CFAP57: variants seen among roughly 807,000 people sequenced by gnomAD.
The protein encoded by CFAP57 is cilia- and flagella-associated protein 57.
In CFAP57, 116 loss-of-function variants were observed where a neutral mutation model predicts 146.8. The observed-to-expected ratio is 0.79, with a 90% CI of 0.68 to 0.92. The LOEUF is 0.92. Ranked by LOEUF, CFAP57 falls within the 40% of genes least tolerant of loss-of-function variation. CFAP57 has a pLI of 0.00. For synonymous variants in CFAP57, 518 were observed against 552.8 expected (o/e 0.94, Z 0.88); for missense variants, 1,377 against 1,527.2 (o/e 0.90, Z 1.64).
Position 43,221,402 on chromosome 1 carries a change from G to T in CFAP57, c.2278G>T (p.Val760Phe). 1 of 1,543,754 alleles carries T rather than the reference G, an allele frequency of 6.5e-7. No individual in the cohort carries two copies. Among genetic ancestry groups the T allele is most frequent in the Non-Finnish European group, 8.7e-7 (1 of 1,143,178 alleles). ...AAGAACAGAAAAAGAGAAGCAGGATGTTTATCACCATGAGCACATAGAAGA... is the reference window on the plus strand; with the variant it reads ...AAGAACAGAAAAAGAGAAGCAGGATTTTTATCACCATGAGCACATAGAAGA... ...VLRTEKEKQDVYHHEHIEDLL... is the reference protein window; with the variant it reads ...VLRTEKEKQDFYHHEHIEDLL... The change falls in exon 14 of 23, where the codon GTT becomes TTT. Residue 760 changes from valine (V) to phenylalanine (F), a missense_variant. Physicochemically the swap from Val to Phe is conservative, Grantham distance 50 (BLOSUM62 -1). Transcript: ENST00000372492.
In CFAP57 at chr1:43,198,595, C is replaced by A; in HGVS notation, c.1377C>A (p.Leu459=). The A allele has an allele frequency of 6.2e-7, 1 of 1,613,970 alleles. No individual in the cohort carries two copies. Among genetic ancestry groups the A allele is most frequent in the Admixed American group, 1.7e-5 (1 of 60,000 alleles). The change falls in exon 8 of 23, where the codon CTC becomes CTA. Residue 459 remains leucine (L), a synonymous_variant. Transcript: ENST00000372492. ...FADKLRLMNL[L]IDDIRSFKEY... ...ACAAACTACGCCTCATGAATCTACTCATTGATGATATACGTTCTTTCAAAG... is the reference window on the plus strand; with the variant it reads ...ACAAACTACGCCTCATGAATCTACTAATTGATGATATACGTTCTTTCAAAG...
chr1:43,226,923 A>G (rs975808110), intron 17 of CFAP57, 60 bp from the exon 18 acceptor site: 8 of 1,426,206 alleles, frequency 5.6e-6, no homozygotes, highest in South Asian at 3.3e-5. Context: ...TTTGCCCTAA[A>G]GGGCTGCAGT....
Position 43,243,216 on chromosome 1 carries a change from C to A in CFAP57, c.3406-11C>A. ...CATCCACCCTCCCTCTCTCTTCCCCCTTTTCTGCAGGAAAATGTCTCTCTG... is the reference window on the plus strand; with the variant it reads ...CATCCACCCTCCCTCTCTCTTCCCCATTTTCTGCAGGAAAATGTCTCTCTG... On this transcript the variant is annotated splice_polypyrimidine_tract_variant and intron_variant, in intron 21 of 22. Coordinates refer to ENST00000372492, the MANE Select transcript of CFAP57 (RefSeq NM_001378189.1). 1 of 1,549,420 alleles carries A rather than the reference C, an allele frequency of 6.5e-7. No homozygotes were observed. The highest frequency in any genetic ancestry group is 1.4e-5 in the African/African-American group (1 of 73,140).
At chr1:43,197,767 A>G in intron 7 of CFAP57, 75 bp downstream of exon 7, 1 of 1,585,582 alleles carries the variant, frequency 6.3e-7, no homozygotes, top group South Asian at 1.1e-5. Flanking sequence ...TTTTAATTAC[A>G]GTGTTCCAAA....
At chr1:43,221,096 A>G (rs1045476892) in intron 13 of CFAP57, among the ~76,000 whole-genome samples, 1 of 141,974 alleles carries the variant, frequency 7.0e-6, no homozygotes, top group Non-Finnish European at 1.6e-5. Flanking sequence ...TTTCACCCAG[A>G]AGTCCTTTTG....
chr1:43,189,900 C>A (rs1050796830), intron 6 of CFAP57, among the ~76,000 whole-genome samples: 2 of 152,186 alleles, frequency 1.3e-5, no homozygotes, highest in Non-Finnish European at 2.9e-5. Context: ...TGAACTCACT[C>A]ATCACCAAGG....
chr1:43,175,798 A>G (rs568503649), intron 2 of CFAP57, among the ~76,000 whole-genome samples: 246 of 145,186 alleles, frequency 1.7e-3, no homozygotes, highest in Non-Finnish European at 3.3e-3. Flanking sequence ...AAGCCACCAC[A>G]CCTGACGTTC....
chr1:43,235,968 A>C (rs1645670096), intron 21 of CFAP57, among the ~76,000 whole-genome samples: 1 of 152,172 alleles, frequency 6.6e-6, no homozygotes, highest in East Asian at 1.9e-4. Context: ...GGCTAGCCAG[A>C]GGGTGTGAGC....
chr1:43,236,346 T>G (rs1330794757), intron 21 of CFAP57, among the ~76,000 whole-genome samples: 1 of 151,648 alleles, frequency 6.6e-6, no homozygotes, highest in Non-Finnish European at 1.5e-5. Context: ...CTCTTTTTGT[T>G]GGAAAAAAGT....
At chr1:43,176,228 C>T (rs1645166543) in intron 2 of CFAP57, among the ~76,000 whole-genome samples, 1 of 152,164 alleles carries the variant, frequency 6.6e-6, no homozygotes, top group Admixed American at 6.5e-5. Flanking sequence ...GAGCAGGGAA[C>T]TCCAGAGTCC....
intron 11 of CFAP57, among the ~76,000 whole-genome samples, chr1:43,212,932 T>C (rs1644677944): frequency 2.5e-5 from 1 of 40,800 alleles, no homozygotes; most frequent in Non-Finnish European, 6.2e-5. Flanking sequence ...GCAGACTCTA[T>C]CTCAAAAAAA....
At chr1:43,189,019 C>G (rs528510629) in intron 6 of CFAP57, among the ~76,000 whole-genome samples, 1 of 152,310 alleles carries the variant, frequency 6.6e-6, no homozygotes, top group South Asian at 2.1e-4. Context: ...GCTAGTCTTT[C>G]TCCATTGAGT....
chr1:43,186,955 G>C, intron 6 of CFAP57, 96 bp downstream of exon 6: 1 of 1,464,264 alleles, frequency 6.8e-7, no homozygotes, highest in Non-Finnish European at 9.4e-7. Flanking sequence ...AAATAAGTTA[G>C]CATAAACTCA....
Position 43,206,740 on chromosome 1 carries a change from T to C in CFAP57, c.1563T>C (p.Asn521=). The change falls in exon 10 of 23, where the codon AAT becomes AAC. Residue 521 remains asparagine, a synonymous_variant. Transcript: ENST00000372492. ...TGCAGATTCGCTCAATTGTGTGGAATGCAGATGATAGCAAACTGATTTCTG... is the reference window on the plus strand; with the variant it reads ...TGCAGATTCGCTCAATTGTGTGGAACGCAGATGATAGCAAACTGATTTCTG... The part of the protein sequence containing the change: ...HTGKIRSIVW[N]ADDSKLISGG... 1 of 1,614,102 alleles carries C rather than the reference T, an allele frequency of 6.2e-7. No individual in the cohort carries two copies. Among genetic ancestry groups the C allele is most frequent in the Non-Finnish European group, 8.5e-7 (1 of 1,180,032 alleles).
intron 11 of CFAP57, chr1:43,210,358 G>A (rs942321658): frequency 7.5e-7 from 1 of 1,325,558 alleles, no homozygotes; most frequent in African/African-American, 1.5e-5. Flanking sequence ...TTTGTAAATT[G>A]TCCTTCCATT....
At chr1:43,227,190 A>T in intron 18 of CFAP57, 64 bp downstream of exon 18, 2 of 1,441,598 alleles carry the variant, frequency 1.4e-6, no homozygotes, top group Admixed American at 2.8e-5. Flanking sequence ...ACAATTGGCT[A>T]GCTGGCCTCA....
chr1:43,241,802 A>G (rs1011470693), intron 21 of CFAP57, among the ~76,000 whole-genome samples: 6 of 152,088 alleles, frequency 3.9e-5, no homozygotes, highest in East Asian at 1.9e-4. Flanking sequence ...ATGTATTTGT[A>G]TGGTCATACA....
chr1:43,203,412 A>G (rs1400879389), intron 9 of CFAP57, among the ~76,000 whole-genome samples: 2 of 152,076 alleles, frequency 1.3e-5, no homozygotes, highest in Non-Finnish European at 2.9e-5. Context: ...CAAAGACACC[A>G]CAAGAAAAAA....
At chr1:43,243,747 G>A (rs1317927877) in intron 22 of CFAP57, among the ~76,000 whole-genome samples, 1 of 152,150 alleles carries the variant, frequency 6.6e-6, no homozygotes, top group Non-Finnish European at 1.5e-5. Flanking sequence ...AAAGCACTCT[G>A]TTTTTAGATC....
Sources: allele counts gnomAD v4.1 joint callset (sites outside exome capture counted in the v4.1 genomes callset), GRCh38; gene constraint gnomAD v4.1.1; transcripts MANE v1.5; gene names NCBI Gene and HGNC (gene_info 2026-07-23, HGNC 2026-07-21).